The following ZFPM2 variants were observed in gnomAD, a reference collection of about 807,000 sequenced individuals.
ZFPM2 encodes the protein zinc finger protein ZFPM2.
A neutral mutation model predicts 98.6 loss-of-function variants in ZFPM2; 20 were observed. The ratio of observed to expected loss-of-function variants is 0.20; its 90% CI spans 0.14 to 0.29. The LOEUF (loss-of-function observed/expected upper bound fraction) is 0.29, where lower values mean the gene tolerates loss of function less well. Among genes scored for constraint, ZFPM2 ranks in the 10% least tolerant of loss-of-function variants. ZFPM2 has a pLI of 1.00. For synonymous variants in ZFPM2, 518 were observed against 502.7 expected (o/e 1.03, Z -0.41); for missense variants, 1,310 against 1,388.6 (o/e 0.94, Z 0.90).
At chr8:105,537,412 A>C (rs1563706664) in intron 3 of ZFPM2, among the ~76,000 whole-genome samples, 1 of 152,184 alleles carries the variant, frequency 6.6e-6, no homozygotes, top group Non-Finnish European at 1.5e-5. Context: ...ATGGTGGCTT[A>C]TGTCTGTAAT....
chr8:105,544,695 A>G (rs980055180), intron 3 of ZFPM2, among the ~76,000 whole-genome samples: 1 of 152,204 alleles, frequency 6.6e-6, no homozygotes, highest in Non-Finnish European at 1.5e-5. Flanking sequence ...TGCAGTATTG[A>G]TTTAATAATC....
Position 105,775,415 on chromosome 8 carries a change from G to A in ZFPM2, c.533-13303G>A, listed in dbSNP as rs185988783. Among the ~76,000 whole-genome samples, 103 of 152,192 alleles carry A rather than the reference G, an allele frequency of 6.8e-4. 1 individual carries two copies. The highest frequency in any genetic ancestry group is 3.4e-3 in the Middle Eastern group (1 of 294). The stretch of plus-strand genomic sequence containing the variant: ...ACAAGTCGTAATGAAAGTGTGGAAT[G>A]CAATCAGATTATTCATAAGCTTACA... On this transcript the variant is annotated intron_variant, in intron 5 of 7. Transcript: ENST00000407775.
chr8:105,502,437 GA>G (rs1192688044), intron 3 of ZFPM2, among the ~76,000 whole-genome samples: 3 of 151,940 alleles, frequency 2.0e-5, no homozygotes, highest in African/African-American at 7.3e-5. Flanking sequence ...AGGAGGTCAG[GA>G]AAAAAGTCAC....
chr8:105,495,120 G>A (rs1003293199), intron 3 of ZFPM2, among the ~76,000 whole-genome samples: 5 of 152,170 alleles, frequency 3.3e-5, no homozygotes, highest in African/African-American at 1.2e-4. Context: ...CCTACCTTTA[G>A]CCATTGCTAG....
chr8:105,499,249 C>G (rs1332633623), intron 3 of ZFPM2, among the ~76,000 whole-genome samples: 1 of 148,436 alleles, frequency 6.7e-6, no homozygotes, highest in Non-Finnish European at 1.5e-5. Flanking sequence ...CTTCTAGATT[C>G]CAGAAAAAAA....
intron 1 of ZFPM2, among the ~76,000 whole-genome samples, chr8:105,376,612 A>G (rs935900499): frequency 3.9e-5 from 6 of 152,148 alleles, no homozygotes; most frequent in East Asian, 1.9e-4. Flanking sequence ...ATCTCAGCCA[A>G]TTTCATCAAC....
At chr8:105,439,405 A>G (rs1325466958) in intron 2 of ZFPM2, among the ~76,000 whole-genome samples, 2 of 152,052 alleles carry the variant, frequency 1.3e-5, no homozygotes, top group Non-Finnish European at 2.9e-5. Context: ...CAATTAGGAG[A>G]CTCAAATTTA....
chr8:105,521,183 A>C (rs1269510867), intron 3 of ZFPM2, among the ~76,000 whole-genome samples: 2 of 151,418 alleles, frequency 1.3e-5, no homozygotes, highest in Admixed American at 6.6e-5. Flanking sequence ...ACACATGCAC[A>C]CCTCCCCCCC....
chr8:105,713,649 G>T (rs1341221628), intron 5 of ZFPM2, among the ~76,000 whole-genome samples: 1 of 151,982 alleles, frequency 6.6e-6, no homozygotes, highest in Non-Finnish European at 1.5e-5. Context: ...TTTGTATGTG[G>T]TGAGAGGTAG....
At chr8:105,630,869 G>A (rs1334274213) in intron 4 of ZFPM2, among the ~76,000 whole-genome samples, 1 of 152,018 alleles carries the variant, frequency 6.6e-6, no homozygotes, top group Non-Finnish European at 1.5e-5. Context: ...GAGGGAGGGG[G>A]GAGTGGAAAA....
intron 5 of ZFPM2, among the ~76,000 whole-genome samples, chr8:105,749,393 T>C (rs1169283667): frequency 6.6e-5 from 10 of 152,072 alleles, no homozygotes; most frequent in Admixed American, 6.6e-5. Context: ...AATAAATAGT[T>C]TCCCTTTATC....
chr8:105,435,278 A>C (rs1812097832), intron 2 of ZFPM2, among the ~76,000 whole-genome samples: 1 of 152,198 alleles, frequency 6.6e-6, no homozygotes, highest in Non-Finnish European at 1.5e-5. Context: ...CTTCATAGCC[A>C]TAATTTTGGA....
At chr8:105,688,088 A>G (rs1810784074) in intron 5 of ZFPM2, among the ~76,000 whole-genome samples, 1 of 152,130 alleles carries the variant, frequency 6.6e-6, no homozygotes, top group South Asian at 2.1e-4. Flanking sequence ...TGAAATCAAT[A>G]AGGTTTAAAT....
At chr8:105,493,937 C>T (rs1487128125) in intron 3 of ZFPM2, among the ~76,000 whole-genome samples, 2 of 151,908 alleles carry the variant, frequency 1.3e-5, no homozygotes, top group African/African-American at 4.8e-5. Context: ...TATTGCTTGA[C>T]TTCTCTGACC....
At chr8:105,512,579 C>G (rs2130512770) in intron 3 of ZFPM2, among the ~76,000 whole-genome samples, 1 of 152,182 alleles carries the variant, frequency 6.6e-6, no homozygotes, top group East Asian at 1.9e-4. Context: ...TTTTAGTGGT[C>G]TTTGATTAAT....
At chr8:105,735,525 A>C (rs765433817) in intron 5 of ZFPM2, among the ~76,000 whole-genome samples, 1 of 151,956 alleles carries the variant, frequency 6.6e-6, no homozygotes, top group African/African-American at 2.4e-5. Flanking sequence ...GTATGAAAAC[A>C]ATGTTTAGGA....
At chr8:105,567,491 A>C (rs772076418) in intron 4 of ZFPM2, among the ~76,000 whole-genome samples, 1 of 151,504 alleles carries the variant, frequency 6.6e-6, no homozygotes, top group African/African-American at 2.4e-5. Flanking sequence ...GATTGCCTTG[A>C]TAGTGAACAT....
intron 5 of ZFPM2, chr8:105,780,509 C>T (rs1813216002): frequency 6.6e-6 from 1 of 152,218 alleles, no homozygotes; most frequent in Non-Finnish European, 1.5e-5. Flanking sequence ...TCAGTCGTTA[C>T]ATCATTGTTT....
intron 2 of ZFPM2, among the ~76,000 whole-genome samples, chr8:105,427,410 A>T (rs951581390): frequency 6.6e-6 from 1 of 152,140 alleles, no homozygotes; most frequent in Non-Finnish European, 1.5e-5. Context: ...AACTAAATTC[A>T]TTGTTCTTTC....
Sources: allele counts gnomAD v4.1 joint callset (sites outside exome capture counted in the v4.1 genomes callset), GRCh38; gene constraint gnomAD v4.1.1; transcripts MANE v1.5; gene names NCBI Gene and HGNC (gene_info 2026-07-23, HGNC 2026-07-21).